Variants in GABRB1 observed in about 807,000 individuals in gnomAD.
GABRB1 encodes gamma-aminobutyric acid receptor subunit beta-1.
Under a neutral mutation model 51.6 loss-of-function variants are expected in GABRB1, and 17 were observed. The ratio of observed to expected loss-of-function variants is 0.33; its 90% confidence interval spans 0.23 to 0.49. The LOEUF (loss-of-function observed/expected upper bound fraction) is 0.49, where lower values mean the gene tolerates loss of function less well. GABRB1 is among the 20% of genes least tolerant of loss of function. The probability of loss-of-function intolerance (pLI) is 0.99; values close to 1 mark genes in which losing one functional copy is unlikely to be tolerated. For synonymous variants in GABRB1, 247 were observed against 218.9 expected (o/e 1.13, Z -1.14); for missense variants, 410 against 600.6 (o/e 0.68, Z 3.32).
At chr4:47,312,235 C>T (rs188704785) in intron 4 of GABRB1, among the ~76,000 whole-genome samples, 47 of 152,238 alleles carry the variant, frequency 3.1e-4, no homozygotes, top group Admixed American at 3.9e-4. Flanking sequence ...CTAAATTCCT[C>T]TTAAATCTCA....
At chr4:47,126,834 C>T (rs1311640706) in intron 3 of GABRB1, among the ~76,000 whole-genome samples, 2 of 151,936 alleles carry the variant, frequency 1.3e-5, no homozygotes, top group Non-Finnish European at 2.9e-5. Context: ...AGAGGACATA[C>T]TGGAAAATAT....
chr4:47,267,605 G>A (rs148933911), intron 4 of GABRB1, among the ~76,000 whole-genome samples: 1 of 152,118 alleles, frequency 6.6e-6, no homozygotes, highest in Non-Finnish European at 1.5e-5. Context: ...GACAAGCCTG[G>A]CCAACAATGC....
chr4:47,398,306 A>G (rs1728250306), intron 5 of GABRB1, among the ~76,000 whole-genome samples: 1 of 152,308 alleles, frequency 6.6e-6, no homozygotes, highest in African/African-American at 2.4e-5. Flanking sequence ...TGAATATACA[A>G]TTGCATACTT....
intron 3 of GABRB1, among the ~76,000 whole-genome samples, chr4:47,093,596 A>G (rs1250941113): frequency 3.3e-5 from 5 of 152,210 alleles, no homozygotes; most frequent in Non-Finnish European, 7.3e-5. Context: ...AAAATCTCAT[A>G]TTACTTATCA....
At chr4:47,057,612 G>A (rs1726670093) in intron 3 of GABRB1, among the ~76,000 whole-genome samples, 1 of 152,154 alleles carries the variant, frequency 6.6e-6, no homozygotes, top group South Asian at 2.1e-4. Flanking sequence ...CTTAGTTATT[G>A]AGATCTGTCA....
At chr4:47,284,097 C>CAAAA (rs780643469) in intron 4 of GABRB1, among the ~76,000 whole-genome samples, 12 of 48,860 alleles carry the variant, frequency 2.5e-4, no homozygotes, top group African/African-American at 3.3e-4. Flanking sequence ...GACTCAGTCT[C>CAAAA]AAAAAAAAAA....
intron 3 of GABRB1, among the ~76,000 whole-genome samples, chr4:47,098,185 C>T (rs2109600863): frequency 7.7e-6 from 1 of 130,608 alleles, no homozygotes; most frequent in African/African-American, 2.7e-5. Context: ...CACACACACA[C>T]ACACATGTTT....
chr4:47,395,789 C>A (rs1001816482), intron 5 of GABRB1, among the ~76,000 whole-genome samples: 9 of 152,124 alleles, frequency 5.9e-5, no homozygotes, highest in African/African-American at 1.9e-4. Flanking sequence ...ATTGTTATTA[C>A]CTTGTTATCT....
intron 3 of GABRB1, among the ~76,000 whole-genome samples, chr4:47,090,384 T>C (rs558384204): frequency 1.8e-4 from 28 of 152,252 alleles, no homozygotes; most frequent in African/African-American, 4.3e-4. Context: ...AACCAAAAAT[T>C]GTGTAAAACT....
chr4:47,076,974 T>C (rs1254705779), intron 3 of GABRB1, among the ~76,000 whole-genome samples: 1 of 152,204 alleles, frequency 6.6e-6, no homozygotes, highest in Admixed American at 6.5e-5. Context: ...CAACCTCTCA[T>C]GTCATAGGCT....
At chr4:47,166,231 G>A (rs1283341018) in intron 4 of GABRB1, among the ~76,000 whole-genome samples, 2 of 151,872 alleles carry the variant, frequency 1.3e-5, no homozygotes, top group Non-Finnish European at 2.9e-5. Context: ...GAATAACATG[G>A]GATGAACTGC....
intron 3 of GABRB1, among the ~76,000 whole-genome samples, chr4:47,079,593 C>G (rs1332104225): frequency 6.6e-6 from 1 of 151,980 alleles, no homozygotes; most frequent in Non-Finnish European, 1.5e-5. Flanking sequence ...GACTTGGAAT[C>G]AAGCCAAATG....
At chr4:47,101,890 G>C (rs1753325331) in intron 3 of GABRB1, among the ~76,000 whole-genome samples, 1 of 152,028 alleles carries the variant, frequency 6.6e-6, no homozygotes, top group South Asian at 2.1e-4. Context: ...GGGCAGATGG[G>C]TGCCCATTTT....
At chr4:47,279,130 G>A (rs865923151) in intron 4 of GABRB1, among the ~76,000 whole-genome samples, 2 of 140,756 alleles carry the variant, frequency 1.4e-5, no homozygotes, top group Non-Finnish European at 3.1e-5. Context: ...ATGGATGGAT[G>A]GATAGATGGA....
chr4:47,071,607 C>T (rs1446026652), intron 3 of GABRB1, among the ~76,000 whole-genome samples: 1 of 151,726 alleles, frequency 6.6e-6, no homozygotes, highest in African/African-American at 2.4e-5. Flanking sequence ...TTACCAATAC[C>T]TGAAATACTA....
At chr4:47,389,948 G>T (rs1397596440) in intron 5 of GABRB1, among the ~76,000 whole-genome samples, 1 of 152,200 alleles carries the variant, frequency 6.6e-6, no homozygotes, top group Non-Finnish European at 1.5e-5. Flanking sequence ...CTGATTTTGA[G>T]TGTCATTTAG....
intron 4 of GABRB1, among the ~76,000 whole-genome samples, chr4:47,210,457 G>C (rs1390068996): frequency 6.6e-6 from 1 of 152,112 alleles, no homozygotes; most frequent in Non-Finnish European, 1.5e-5. Flanking sequence ...ATAAGCATTT[G>C]TGTTTGATTC....
At chr4:47,013,423 T>C (rs917603188) in intron 1 of GABRB1, among the ~76,000 whole-genome samples, 1 of 152,004 alleles carries the variant, frequency 6.6e-6, no homozygotes, top group Non-Finnish European at 1.5e-5. Context: ...GCCTCCCGAG[T>C]GCTGGGATTA....
chr4:47,116,478 A>G (rs928035671), intron 3 of GABRB1, among the ~76,000 whole-genome samples: 6 of 152,236 alleles, frequency 3.9e-5, no homozygotes, highest in South Asian at 2.1e-4. Flanking sequence ...AATGTTTAGT[A>G]CTACAATTTT....
Sources: allele counts gnomAD v4.1 joint callset (sites outside exome capture counted in the v4.1 genomes callset), GRCh38; gene constraint gnomAD v4.1.1; transcripts MANE v1.5; gene names NCBI Gene and HGNC (gene_info 2026-07-23, HGNC 2026-07-21).